Variants in SLC16A12 observed in about 807,000 individuals in gnomAD.
SLC16A12 encodes the protein monocarboxylate transporter 12.
SLC16A12 carries 17 observed loss-of-function variants against 42.4 expected under a neutral mutation model. The ratio of observed to expected loss-of-function variants is 0.40; its 90% CI spans 0.27 to 0.60. The LOEUF (loss-of-function observed/expected upper bound fraction) is 0.60, where lower values mean the gene tolerates loss of function less well. Among genes scored for constraint, SLC16A12 ranks in the 20% least tolerant of loss-of-function variants. The pLI is 0.42. For synonymous variants in SLC16A12, 224 were observed against 229.4 expected, an observed-to-expected ratio of 0.98 and a Z score of 0.21; for missense variants, 544 against 623.0, an observed-to-expected ratio of 0.87 and a Z score of 1.35.
At chr10:89,448,974 G>A (rs1842047512) in intron 3 of SLC16A12, among the ~76,000 whole-genome samples, 1 of 152,136 alleles carries the variant, frequency 6.6e-6, no homozygotes, top group South Asian at 2.1e-4. Context: ...CAGACAAACA[G>A]AGAGCCAAAT....
At chr10:89,463,503 AT>A (rs1160890414) in intron 2 of SLC16A12, among the ~76,000 whole-genome samples, 7 of 152,202 alleles carry the variant, frequency 4.6e-5, no homozygotes, top group Admixed American at 1.3e-4. Context: ...ATGTAAAAAA[AT>A]AAAGAAGTAG....
At chr10:89,551,777 G>A (rs142805166) in intron 2 of SLC16A12, among the ~76,000 whole-genome samples, 79 of 152,290 alleles carry the variant, frequency 5.2e-4, no homozygotes, top group African/African-American at 1.7e-3. Flanking sequence ...TTTGCCTTCT[G>A]CCATGATTCT....
chr10:89,490,373 G>A (rs1007248790), intron 2 of SLC16A12, among the ~76,000 whole-genome samples: 3 of 151,598 alleles, frequency 2.0e-5, no homozygotes, highest in Non-Finnish European at 4.4e-5. Flanking sequence ...GATCCCACAA[G>A]TTAAGGGGCT....
intron 2 of SLC16A12, among the ~76,000 whole-genome samples, chr10:89,528,532 G>GA (rs1229603714): frequency 6.6e-6 from 1 of 151,692 alleles, no homozygotes; most frequent in South Asian, 2.1e-4. Flanking sequence ...CCACAGAGAA[G>GA]AAAAAAAATC....
intron 2 of SLC16A12, among the ~76,000 whole-genome samples, chr10:89,524,114 C>G (rs1260427826): frequency 2.6e-5 from 4 of 152,092 alleles, no homozygotes; most frequent in African/African-American, 2.4e-5. Context: ...CTACCACATG[C>G]CTTATAGGGC....
chr10:89,539,979 T>C (rs200971434), upstream of SLC16A12, among the ~76,000 whole-genome samples: 1 of 150,828 alleles, frequency 6.6e-6, no homozygotes, highest in African/African-American at 2.4e-5. Context: ...CTTTCTCTCT[T>C]TCTTTCTTTC....
chr10:89,529,773 C>T (rs1172482279), intron 2 of SLC16A12, among the ~76,000 whole-genome samples: 1 of 152,122 alleles, frequency 6.6e-6, no homozygotes, highest in East Asian at 1.9e-4. Flanking sequence ...GTCTCGAACT[C>T]CTGACCTCAG....
chr10:89,443,701 T>A, intron 4 of SLC16A12, 55 bp downstream of exon 4: 1 of 1,234,592 alleles, frequency 8.1e-7, no homozygotes, highest in Admixed American at 1.7e-5. Context: ...AATGTCATTG[T>A]CATATACAGT....
At chr10:89,499,858 G>C (rs1389728934) in intron 2 of SLC16A12, among the ~76,000 whole-genome samples, 1 of 152,022 alleles carries the variant, frequency 6.6e-6, no homozygotes, top group Non-Finnish European at 1.5e-5. Context: ...TAAAACAAAA[G>C]GATGGTTCTC....
chr10:89,514,003 T>C (rs1589719195), intron 2 of SLC16A12, among the ~76,000 whole-genome samples: 1 of 152,194 alleles, frequency 6.6e-6, no homozygotes. Flanking sequence ...TCCAGATGTA[T>C]ACTTGGAGAT....
chr10:89,468,178 T>G (rs561674537), intron 2 of SLC16A12: 2 of 152,338 alleles, frequency 1.3e-5, no homozygotes, highest in South Asian at 2.1e-4. Context: ...AAAGGTCTGT[T>G]GTAAGTCACA....
At chr10:89,533,292 A>C (rs984475793) in intron 2 of SLC16A12, among the ~76,000 whole-genome samples, 2 of 152,146 alleles carry the variant, frequency 1.3e-5, no homozygotes, top group Non-Finnish European at 2.9e-5. Flanking sequence ...CTGCCTAAGA[A>C]ATCCTGGAAA....
intron 3 of SLC16A12, among the ~76,000 whole-genome samples, chr10:89,445,792 T>C (rs1841990563): frequency 6.6e-6 from 1 of 152,006 alleles, no homozygotes; most frequent in Admixed American, 6.6e-5. Context: ...AGAAGGTCAG[T>C]ACTAACAAAC....
intron 2 of SLC16A12, among the ~76,000 whole-genome samples, chr10:89,550,607 C>T (rs1252612459): frequency 2.0e-5 from 3 of 152,142 alleles, no homozygotes; most frequent in Non-Finnish European, 4.4e-5. Context: ...AGCACTAAAA[C>T]AAAATCTAAA....
chr10:89,551,472 G>A (rs985256111), intron 2 of SLC16A12, among the ~76,000 whole-genome samples: 4 of 152,056 alleles, frequency 2.6e-5, no homozygotes, highest in African/African-American at 9.7e-5. Context: ...AAAGTCCCAA[G>A]TTCATTGTTC....
At chr10:89,533,541 C>T (rs1843592983) in intron 2 of SLC16A12, among the ~76,000 whole-genome samples, 1 of 151,976 alleles carries the variant, frequency 6.6e-6, no homozygotes, top group African/African-American at 2.4e-5. Context: ...ACAAACAGTC[C>T]TCATATAAAA....
intron 3 of SLC16A12, among the ~76,000 whole-genome samples, chr10:89,454,854 G>A (rs540596407): frequency 5.3e-5 from 8 of 151,854 alleles, no homozygotes; most frequent in African/African-American, 1.4e-4. Context: ...GTTACCCTGT[G>A]ACAGAAAAGA....
intron 6 of SLC16A12, among the ~76,000 whole-genome samples, chr10:89,437,491 G>T (rs1841821557): frequency 6.6e-6 from 1 of 151,780 alleles, no homozygotes; most frequent in African/African-American, 2.4e-5. Context: ...TAGGTCACAG[G>T]GTTAATAAGG....
chr10:89,473,944 A>G (rs534758187), intron 2 of SLC16A12, among the ~76,000 whole-genome samples: 2 of 152,306 alleles, frequency 1.3e-5, no homozygotes, highest in Admixed American at 1.3e-4. Context: ...TCATCTCCTT[A>G]GCCAAATATC....
Sources: gnomAD v4.1 joint callset for allele counts (sites outside exome capture counted in the v4.1 genomes callset) on GRCh38, gnomAD v4.1.1 for gene constraint, MANE v1.5 for transcripts, NCBI Gene and HGNC (gene_info 2026-07-23, HGNC 2026-07-21) for gene names.